Variants in LARGE1 observed in about 807,000 individuals in gnomAD.
LARGE1 encodes xylosyl- and glucuronyltransferase LARGE1.
In LARGE1, 43 loss-of-function variants were observed where a neutral mutation model predicts 87.6. That is an observed-to-expected ratio of 0.49 (90% CI 0.38 to 0.63). LARGE1 has a LOEUF of 0.63. Ranked by LOEUF, LARGE1 falls within the 30% of genes least tolerant of loss-of-function variation. The pLI is 0.00. For synonymous variants in LARGE1, 434 were observed against 394.6 expected (o/e 1.10, Z -1.18); for missense variants, 802 against 1,000.2 (o/e 0.80, Z 2.67).
At chr22:33,226,830 C>T (rs557595323) in intron 11 of LARGE1, among the ~76,000 whole-genome samples, 5 of 151,976 alleles carry the variant, frequency 3.3e-5, no homozygotes, top group African/African-American at 7.2e-5. Flanking sequence ...CCCAGGTTCA[C>T]GCCATTCTCC....
intron 1 of LARGE1, among the ~76,000 whole-genome samples, chr22:33,795,510 G>C (rs1015296316): frequency 1.3e-5 from 2 of 152,072 alleles, no homozygotes; most frequent in African/African-American, 4.8e-5. Flanking sequence ...CCATTACTGA[G>C]TATATACCCA....
intron 7 of LARGE1, among the ~76,000 whole-genome samples, chr22:33,394,630 C>T (rs1336405141): frequency 6.6e-6 from 1 of 151,842 alleles, no homozygotes; most frequent in African/African-American, 2.4e-5. Flanking sequence ...ATATAACTAA[C>T]GTGTGGTAAA....
the LARGE1 span, among the ~76,000 whole-genome samples, chr22:33,153,601 G>A: frequency 6.6e-6 from 1 of 152,152 alleles, no homozygotes; most frequent in Non-Finnish European, 1.5e-5. Flanking sequence ...ACTTACTCAT[G>A]GTGGGGTGTG....
At chr22:33,470,047 G>A (rs915860727) in intron 6 of LARGE1, among the ~76,000 whole-genome samples, 6 of 151,238 alleles carry the variant, frequency 4.0e-5, no homozygotes, top group East Asian at 4.0e-4. Context: ...CTGCCACCAC[G>A]CCCGGCTAAT....
intron 1 of LARGE1, among the ~76,000 whole-genome samples, chr22:33,865,013 C>T (rs563802593): frequency 3.3e-5 from 5 of 152,316 alleles, no homozygotes; most frequent in African/African-American, 1.2e-4. Flanking sequence ...GAGTCACAGC[C>T]GTGGGTGTCA....
At chr22:33,706,282 A>C (rs1350356619) in intron 2 of LARGE1, among the ~76,000 whole-genome samples, 1 of 152,102 alleles carries the variant, frequency 6.6e-6, no homozygotes. Context: ...GGCTCAGCCC[A>C]CACCCCCACA....
chr22:33,125,779 A>G, the LARGE1 span, among the ~76,000 whole-genome samples: 4 of 151,732 alleles, frequency 2.6e-5, no homozygotes, highest in African/African-American at 9.7e-5. Context: ...ATTTTATTTT[A>G]TTTAGTCACC....
At chr22:33,577,786 C>A (rs774882556) in intron 5 of LARGE1, among the ~76,000 whole-genome samples, 6 of 152,214 alleles carry the variant, frequency 3.9e-5, no homozygotes, top group Non-Finnish European at 5.9e-5. Flanking sequence ...CAGGCAAAGA[C>A]AGTTGAGGAG....
intron 1 of LARGE1, among the ~76,000 whole-genome samples, chr22:33,865,832 CTTTTTTTTTTTTTTTTTTTT>C (rs3072359): frequency 8.8e-4 from 25 of 28,394 alleles, no homozygotes; most frequent in African/African-American, 2.2e-3. Context: ...AGCTGTTATT[CTTTTTTTTTTTTTTTTTTTT>C]TTTTTTTTTT....
chr22:33,349,121 A>C (rs116176960), intron 9 of LARGE1, among the ~76,000 whole-genome samples: 2,737 of 152,238 alleles, frequency 0.018, 99 homozygotes, highest in African/African-American at 0.063. Flanking sequence ...ATTTCTTCAT[A>C]GAAGTATGAA....
intron 1 of LARGE1, among the ~76,000 whole-genome samples, chr22:33,868,210 G>T (rs2064165118): frequency 6.6e-6 from 1 of 152,142 alleles, no homozygotes; most frequent in African/African-American, 2.4e-5. Flanking sequence ...TGGGTGTGTG[G>T]GAACAGCACC....
At chr22:33,206,819 C>T (rs1924711423) in intron 11 of LARGE1, among the ~76,000 whole-genome samples, 1 of 152,198 alleles carries the variant, frequency 6.6e-6, no homozygotes. Context: ...TTTTGTTTTT[C>T]TTCTATCAGT....
chr22:33,285,339 T>C (rs1042805029), intron 12 of LARGE1, among the ~76,000 whole-genome samples: 15 of 152,068 alleles, frequency 9.9e-5, no homozygotes, highest in African/African-American at 3.6e-4. Flanking sequence ...CAACTGTCCA[T>C]TGAAGGCCAG....
intron 1 of LARGE1, among the ~76,000 whole-genome samples, chr22:33,825,002 T>C (rs892532895): frequency 2.0e-5 from 3 of 152,326 alleles, no homozygotes; most frequent in Admixed American, 6.5e-5. Context: ...TTTGTTTTCT[T>C]ATTTGCAAGA....
At chr22:33,471,765 T>G (rs556407733) in intron 6 of LARGE1, among the ~76,000 whole-genome samples, 15 of 152,126 alleles carry the variant, frequency 9.9e-5, no homozygotes, top group Non-Finnish European at 2.1e-4. Context: ...CCAGGCGCGG[T>G]GGCTCACCCC....
At chr22:33,763,243 T>C (rs901078066) in intron 1 of LARGE1, among the ~76,000 whole-genome samples, 1 of 152,034 alleles carries the variant, frequency 6.6e-6, no homozygotes, top group African/African-American at 2.4e-5. Flanking sequence ...GCTTCAGGAG[T>C]TTATGTTCAG....
At chr22:33,721,205 G>A (rs914448728) in intron 2 of LARGE1, among the ~76,000 whole-genome samples, 3 of 152,242 alleles carry the variant, frequency 2.0e-5, no homozygotes, top group Admixed American at 1.3e-4. Flanking sequence ...TGGAGGAGAA[G>A]AGGACTGAAC....
intron 6 of LARGE1, among the ~76,000 whole-genome samples, chr22:33,521,981 C>T (rs780155596): frequency 7.9e-5 from 12 of 152,046 alleles, no homozygotes; most frequent in Admixed American, 6.6e-4. Flanking sequence ...AGAACAGGAG[C>T]GGGAGAGAGA....
intron 6 of LARGE1, among the ~76,000 whole-genome samples, chr22:33,436,410 CTA>C (rs2067273764): frequency 6.6e-6 from 1 of 152,194 alleles, no homozygotes; most frequent in Non-Finnish European, 1.5e-5. Flanking sequence ...CTCTGCCTCT[CTA>C]AGTGTGGTCT....
Sources: allele counts gnomAD v4.1 joint callset (sites outside exome capture counted in the v4.1 genomes callset), GRCh38; gene constraint gnomAD v4.1.1; transcripts MANE v1.5; gene names NCBI Gene and HGNC (gene_info 2026-07-23, HGNC 2026-07-21).